Variants in C7orf25 observed in about 807,000 individuals in gnomAD.
The protein encoded by C7orf25 is chromosome 7 open reading frame 25.
A neutral mutation model predicts 25.5 loss-of-function variants in C7orf25; 14 were observed. The ratio of observed to expected loss-of-function variants is 0.55; its 90% confidence interval spans 0.36 to 0.86. The LOEUF is 0.86. Ranked by LOEUF, C7orf25 falls within the 40% of genes least tolerant of loss-of-function variation. The pLI is 0.01. For missense variants in C7orf25, 405 were observed against 493.9 expected (o/e 0.82, Z 1.71); for synonymous variants, 184 against 179.9 (o/e 1.02, Z -0.18).
At chr7:42,911,020 T>C (rs779139931) in intron 1 of C7orf25, 99 bp from the exon 2 acceptor site, 28 of 1,575,602 alleles carry the variant, frequency 1.8e-5, no homozygotes, top group Non-Finnish European at 2.2e-5. Context: ...ACACAGCTTA[T>C]GGAGGGTGAG....
In C7orf25 at chr7:42,911,957, A is replaced by G. The variant is rs1785918614; in HGVS notation, c.-64T>C. On this transcript the variant is annotated 5_prime_UTR_variant, in exon 1 of 2. Coordinates refer to ENST00000350427, the MANE Select transcript of C7orf25 (RefSeq NM_001099858.2). Reference sequence around the variant, plus strand: ...CGAGCGCGAGCACGCAGGCGCGTGCACGCAGAGGCCGGGACCCGCCGGGAA... The same window carrying G: ...CGAGCGCGAGCACGCAGGCGCGTGCGCGCAGAGGCCGGGACCCGCCGGGAA... 2.0e-6 allele frequency: 3 copies of G among 1,490,900 alleles called. No individual in the cohort carries two copies. The South Asian group carries it at 3.8e-5, about 19-fold the overall frequency. The allele number at this position is 1,490,900 out of a possible 1,614,324, so 92.4% of individuals were successfully genotyped here.
chr7:42,911,814 G>A, intron 1 of C7orf25, 101 bp downstream of exon 1: 6 of 1,286,848 alleles, frequency 4.7e-6, no homozygotes, highest in Non-Finnish European at 5.9e-6. Context: ...GATAGCGCGC[G>A]GCCGACCCCC....
At chr7:42,911,409 C>T (rs1785891734) in intron 1 of C7orf25, 1 of 1,017,398 alleles carries the variant, frequency 9.8e-7, no homozygotes, top group Middle Eastern at 5.0e-4. Flanking sequence ...TCCTCCTTCC[C>T]GAGTTGGTCT....
rs1381333808 is a variant in C7orf25, at chr7:42,911,940, AGCACGCAGGCGCGT to A, written c.-61_-48del. 3.6e-5 allele frequency: 54 copies of A among 1,482,198 alleles called. No homozygotes were observed. The highest frequency in any genetic ancestry group is 4.2e-4 in the Middle Eastern group (2 of 4,708). 91.8% of individuals were successfully genotyped at this position (1,482,198 alleles called of 1,614,324 possible). A position where few individuals can be genotyped will look rare whatever the true frequency, so the allele number is the denominator to read the frequency against. On this transcript the variant is annotated 5_prime_UTR_variant, in exon 1 of 2. An upstream open reading frame in the 5' UTR gains an earlier in-frame stop. Coordinates refer to ENST00000350427, the MANE Select transcript of C7orf25 (RefSeq NM_001099858.2). ...CGGCAGCGCCAGAACCGCGAGCGCGAGCACGCAGGCGCGTGCACGCAGAGGCCGGGACCCGCCGG... is the reference window on the plus strand; with the variant it reads ...CGGCAGCGCCAGAACCGCGAGCGCGAGCACGCAGAGGCCGGGACCCGCCGG...
Position 42,909,360 on chromosome 7 carries a change from C to T in C7orf25, c.*275G>A, listed in dbSNP as rs562670326. The stretch of plus-strand genomic sequence containing the variant: ...AGCAGTAGGGGAGTTGTAGCCCTAT[C>T]GAATCAAAGTATTACAATACAGCTG... On this transcript the variant is annotated 3_prime_UTR_variant, in exon 2 of 2. Coordinates refer to ENST00000350427, the MANE Select transcript of C7orf25 (RefSeq NM_001099858.2). 1.4e-5 allele frequency: 5 copies of T among 345,640 alleles called. No homozygotes were observed. The highest frequency in any genetic ancestry group is 8.4e-5 in the African/African-American group (4 of 47,354). The allele number at this position is 345,640 out of a possible 1,614,324, so 21.4% of individuals were successfully genotyped here. A position where few individuals can be genotyped will look rare whatever the true frequency, so the allele number is the denominator to read the frequency against.
At chr7:42,911,450 G>A in intron 1 of C7orf25, 2 of 1,004,484 alleles carry the variant, frequency 2.0e-6, no homozygotes, top group Non-Finnish European at 2.4e-6. Flanking sequence ...GATTTCCCCC[G>A]AGGCTTGGGG....
rs2128671470 is a variant in C7orf25 at position 42,909,558 on chromosome 7, T to C, written c.*77A>G. On this transcript the variant is annotated 3_prime_UTR_variant, in exon 2 of 2. Coordinates refer to ENST00000350427, the MANE Select transcript of C7orf25 (RefSeq NM_001099858.2). ...GTTTTACTTTTACTATAGACCTTTT[T>C]TCCCACCAGTTTAGATGGGAAGACC... 2 of 1,479,502 alleles carry C rather than the reference T, an allele frequency of 1.4e-6. No homozygotes were observed. Among genetic ancestry groups the C allele is most frequent in the Non-Finnish European group, 1.8e-6 (2 of 1,101,640 alleles). 91.6% of individuals were successfully genotyped at this position (1,479,502 alleles called of 1,614,324 possible).
At position 42,910,381 on chromosome 7, in the gene C7orf25, A is replaced by G; in HGVS notation, c.520T>C (p.Ser174Pro). The stretch of plus-strand genomic sequence containing the variant: ...TTCAGCTTCTCTGCCATGGGGCTGG[A>G]GACACTGTTGTAAAATGCAAAGATG... ...HIIFAFYNSVSSPMAEKLKEM... is the reference protein window; with the variant it reads ...HIIFAFYNSVPSPMAEKLKEM... The change falls in exon 2 of 2, where the codon TCC becomes CCC. Residue 174 changes from serine (S) to proline (P), a missense_variant. By Grantham distance (74) the Ser-to-Pro change is moderately conservative (BLOSUM62 -1). Coordinates refer to ENST00000350427, the MANE Select transcript of C7orf25 (RefSeq NM_001099858.2). The G allele has an allele frequency of 1.9e-6, 3 of 1,614,194 alleles. No individual in the cohort carries two copies. The highest frequency in any genetic ancestry group is 2.5e-6 in the Non-Finnish European group (3 of 1,180,046).
Position 42,910,664 on chromosome 7 carries a change from T to G in C7orf25, c.237A>C (p.Ala79=). 1 of 1,614,192 alleles carries G rather than the reference T, an allele frequency of 6.2e-7. No homozygotes were observed. Among genetic ancestry groups the G allele is most frequent in the Non-Finnish European group, 8.5e-7 (1 of 1,180,050 alleles). The change falls in exon 2 of 2, where the codon GCA becomes GCC. Residue 79 remains alanine, a synonymous_variant. Coordinates refer to ENST00000350427, the MANE Select transcript of C7orf25 (RefSeq NM_001099858.2). ...CACTAACAACTTCTTCCAGGTTTTC[T>G]GCTGATTCCACAATGGCTCTCAGGT... ...LTHLRAIVES[A]ENLEEVVSVL...
intron 1 of C7orf25, chr7:42,911,251 G>T: frequency 1.7e-6 from 1 of 586,630 alleles, no homozygotes; most frequent in Non-Finnish European, 2.6e-6. Flanking sequence ...ATTCCCTTAT[G>T]TCTATCAGCG....
chr7:42,912,060 T>A lies in C7orf25; in HGVS notation c.-167A>T. The A allele has an allele frequency of 7.0e-7, 1 of 1,436,604 alleles. No individual in the cohort carries two copies. The highest frequency in any genetic ancestry group is 9.1e-7 in the Non-Finnish European group (1 of 1,102,988). 89.0% of individuals were successfully genotyped at this position (1,436,604 alleles called of 1,614,324 possible). On this transcript the variant is annotated 5_prime_UTR_variant, in exon 1 of 2. Transcript: ENST00000350427. ...CGCGAGCCCCGCCGCCTCGGGCACC[T>A]CCTGCATCACGTGGTTCCGGGCCGG...
At chr7:42,911,674 C>T (rs1785903532) in intron 1 of C7orf25, 6 of 1,134,662 alleles carry the variant, frequency 5.3e-6, no homozygotes, top group Middle Eastern at 3.7e-4. Context: ...GGCCAGAGGC[C>T]GGCGGGGCCT....
chr7:42,910,802 T>G lies in C7orf25; in HGVS notation c.99A>C (p.Glu33Asp). ...SLSRSRKGGIEGGAKLCSKLK... is the reference protein window; with the variant it reads ...SLSRSRKGGIDGGAKLCSKLK... Reference sequence around the variant, plus strand: ...ATTTGCTGCACAGCTTTGCACCACCTTCTATGCCACCTTTTCTTGATCTAG... The same window carrying G: ...ATTTGCTGCACAGCTTTGCACCACCGTCTATGCCACCTTTTCTTGATCTAG... Residue 33 changes from glutamate to aspartate, a missense_variant, in exon 2 of 2, where the codon GAA becomes GAC. Physicochemically the swap from Glu to Asp is conservative, Grantham distance 45 (BLOSUM62 2). Coordinates refer to ENST00000350427, the MANE Select transcript of C7orf25 (RefSeq NM_001099858.2). The G allele has an allele frequency of 6.2e-7, 1 of 1,614,244 alleles. No homozygotes were observed. The highest frequency in any genetic ancestry group is 1.3e-5 in the African/African-American group (1 of 75,070).
At chr7:42,911,166 T>C (rs1286313212) in intron 1 of C7orf25, 3 of 757,484 alleles carry the variant, frequency 4.0e-6, no homozygotes, top group Non-Finnish European at 6.6e-6. Context: ...TTTCTTCAGC[T>C]TGAAAGCCAT....
chr7:42,909,484 T>C lies in C7orf25; in HGVS notation c.*151A>G, dbSNP rs978127208. On this transcript the variant is annotated 3_prime_UTR_variant, in exon 2 of 2. Transcript: ENST00000350427. The stretch of plus-strand genomic sequence containing the variant: ...GTGCTTTTTCTACTTTGGGAGGTTA[T>C]ATACTTTAGATGAGAGACAAAGAAA... 5 of 783,094 alleles carry C rather than the reference T, an allele frequency of 6.4e-6. No individual in the cohort carries two copies. The highest frequency in any genetic ancestry group is 6.1e-5 in the South Asian group (3 of 49,092). 48.5% of individuals were successfully genotyped at this position (783,094 alleles called of 1,614,324 possible). A position where few individuals can be genotyped will look rare whatever the true frequency, so the allele number is the denominator to read the frequency against.
At chr7:42,911,854 C>T in intron 1 of C7orf25, 61 bp downstream of exon 1, 1 of 1,373,330 alleles carries the variant, frequency 7.3e-7, no homozygotes, top group Non-Finnish European at 9.4e-7. Flanking sequence ...GCCCAGCCCC[C>T]TCTGGCCTCA....
In C7orf25 at chr7:42,910,554, C is replaced by G; in HGVS notation, c.347G>C (p.Trp116Ser). 1 of 1,614,208 alleles carries G rather than the reference C, an allele frequency of 6.2e-7. No individual in the cohort carries two copies. The highest frequency in any genetic ancestry group is 1.1e-5 in the South Asian group (1 of 91,080). ...AGCCTTCCGGCCAATGGCTTTCACC[C>G]AAGTATGACCACCATTTGCAACTAC... ...VDVVANGGHT[W>S]VKAIGRKAEA... The change falls in exon 2 of 2, where the codon TGG becomes TCG. Residue 116 changes from tryptophan (W) to serine (S), a missense_variant. Transcript: ENST00000350427.
At chr7:42,910,949 G>A (rs146501677) in intron 1 of C7orf25, 28 bp from the exon 2 acceptor site, 187 of 1,606,822 alleles carry the variant, frequency 1.2e-4, no homozygotes, top group Middle Eastern at 5.0e-4. Context: ...GCAAACTTCA[G>A]TAGTCTCCTA....
chr7:42,909,751 T>G lies in C7orf25; in HGVS notation c.1150A>C (p.Asn384His). The G allele has an allele frequency of 6.2e-7, 1 of 1,614,218 alleles. No individual in the cohort carries two copies. The highest frequency in any genetic ancestry group is 8.5e-7 in the Non-Finnish European group (1 of 1,180,034). ...ACACTAAATTTAACACCCTGGTTGTTTGCAGCTCTGACAAAACCACTATTA... is the reference window on the plus strand; with the variant it reads ...ACACTAAATTTAACACCCTGGTTGTGTGCAGCTCTGACAAAACCACTATTA... ...TANSGFVRAA[N>H]NQGVKFSVFI... The change falls in exon 2 of 2, where the codon AAC becomes CAC. Residue 384 changes from asparagine (N) to histidine (H), a missense_variant. Asn to His is a moderately conservative substitution (Grantham distance 68). Transcript: ENST00000350427.
Sources: gnomAD v4.1 joint callset for allele counts on GRCh38, gnomAD v4.1.1 for gene constraint, MANE v1.5 for transcripts, NCBI Gene and HGNC (gene_info 2026-07-23, HGNC 2026-07-21) for gene names.